The following TTC6 variants were observed in gnomAD, a reference collection of about 807,000 sequenced individuals.
TTC6 encodes the protein tetratricopeptide repeat protein 6.
Under a neutral mutation model 210.4 loss-of-function variants are expected in TTC6, and 172 were observed. That is an observed-to-expected ratio of 0.82 (90% CI 0.72 to 0.93). The LOEUF (loss-of-function observed/expected upper bound fraction) is 0.93. TTC6 is among the 40% of genes least tolerant of loss of function. The pLI, the probability that TTC6 is intolerant of heterozygous loss-of-function variation, is 0.00. For synonymous variants in TTC6, 804 were observed against 819.6 expected, an observed-to-expected ratio of 0.98 and a Z score of 0.32; for missense variants, 2,414 against 2,318.1, an observed-to-expected ratio of 1.04 and a Z score of -0.85.
intron 1 of TTC6, among the ~76,000 whole-genome samples, chr14:37,630,077 C>T (rs1392492969): frequency 6.6e-6 from 1 of 152,024 alleles, no homozygotes; most frequent in Admixed American, 6.5e-5. Flanking sequence ...GTCTCTGCCT[C>T]CTTTGGTTCT....
intron 25 of TTC6, among the ~76,000 whole-genome samples, chr14:37,814,062 A>G (rs2096135860): frequency 1.3e-5 from 2 of 152,176 alleles, no homozygotes; most frequent in South Asian, 4.1e-4. Context: ...TCTTAAAAAT[A>G]TAAACTAGAT....
exon 31 of TTC6, chr14:37,842,266 T>G: frequency 6.2e-7 from 1 of 1,605,960 alleles, no homozygotes. Flanking sequence ...GCACTTGATC[T>G]TGAAGACTAT....
At position 37,827,182 on chromosome 14, in the gene TTC6, A is replaced by G. The variant is rs762272773; in HGVS notation, c.5128-14A>G. 4.4e-6 allele frequency: 7 copies of G among 1,600,810 alleles called. No individual in the cohort carries two copies. In the African/African-American group the frequency reaches 6.7e-5, roughly 15 times the overall value. On this transcript the variant is annotated splice_polypyrimidine_tract_variant and intron_variant, in intron 28 of 30. Transcript: ENST00000553443. ...TATTCCCCAATGTTAAATAATCATA[A>G]TATTATACTGCAGATCAGTACTACA... is the stretch of plus-strand genomic sequence containing the variant.
chr14:37,841,730 T>C, intron 30 of TTC6, 60 bp downstream of exon 32: 2 of 1,324,048 alleles, frequency 1.5e-6, no homozygotes, highest in Admixed American at 4.9e-5. Flanking sequence ...ATTTTTAGGC[T>C]ACAAAAGAAG....
At chr14:37,688,850 C>A in intron 3 of TTC6, among the ~76,000 whole-genome samples, 1 of 152,084 alleles carries the variant, frequency 6.6e-6, no homozygotes, top group East Asian at 2.0e-4. Flanking sequence ...TGGGTACAAA[C>A]AAGCCCAGAC....
At chr14:37,610,795 C>T (rs1476897106) in intron 2 of TTC6, among the ~76,000 whole-genome samples, 1 of 152,160 alleles carries the variant, frequency 6.6e-6, no homozygotes, top group Non-Finnish European at 1.5e-5. Context: ...TCCATAAGCA[C>T]CACAGTTTTT....
Position 37,840,543 on chromosome 14 carries a change from A to G in TTC6, c.5299-902A>G, listed in dbSNP as rs150950111. 2.3e-3 allele frequency among the ~76,000 whole-genome samples: 343 copies of G among 152,268 alleles called. 4 individuals carry two copies. The highest frequency in any genetic ancestry group is 7.7e-3 in the African/African-American group (319 of 41,566). On this transcript the variant is annotated intron_variant, in intron 29 of 30. Coordinates refer to ENST00000553443, the Ensembl canonical transcript of TTC6. ...CCTGGCAGAGACACAACAAAACAAA[A>G]AAAAAAGAAATTTTTAGGCCAATAT...
chr14:37,711,583 A>G (rs1462145486), intron 5 of TTC6, among the ~76,000 whole-genome samples: 8 of 151,958 alleles, frequency 5.3e-5, no homozygotes, highest in Non-Finnish European at 1.0e-4. Context: ...TTGCATTGCA[A>G]ATGTAGCTTG....
intron 14 of TTC6, among the ~76,000 whole-genome samples, chr14:37,774,919 G>C (rs555547374): frequency 6.6e-6 from 1 of 152,212 alleles, no homozygotes; most frequent in South Asian, 2.1e-4. Flanking sequence ...TTTGGAACTT[G>C]TTATTGGACT....
At chr14:37,602,701 G>A (rs1220100806) in intron 1 of TTC6, among the ~76,000 whole-genome samples, 1 of 152,144 alleles carries the variant, frequency 6.6e-6, no homozygotes, top group Non-Finnish European at 1.5e-5. Context: ...CCTGCTTTCA[G>A]GTCCTCTTCT....
chr14:37,792,325 A>G (rs550749075), exon 17 of TTC6: 1 of 1,532,940 alleles, frequency 6.5e-7, no homozygotes, highest in Non-Finnish European at 8.7e-7. Context: ...GGATAACTAC[A>G]CGGAAGCTAT....
At chr14:37,824,167 G>A (rs2096164966) in intron 27 of TTC6, among the ~76,000 whole-genome samples, 1 of 152,110 alleles carries the variant, frequency 6.6e-6, no homozygotes. Context: ...GGAGCTGGTA[G>A]GCTGGTTAGA....
At chr14:37,635,084 G>A (rs550401351) in intron 1 of TTC6, among the ~76,000 whole-genome samples, 7 of 152,240 alleles carry the variant, frequency 4.6e-5, no homozygotes, top group South Asian at 2.1e-4. Flanking sequence ...CTCCTCTTGC[G>A]TTTTCTAGAT....
At chr14:37,741,588 C>G (rs912424473) in intron 10 of TTC6, among the ~76,000 whole-genome samples, 1 of 152,110 alleles carries the variant, frequency 6.6e-6, no homozygotes, top group Non-Finnish European at 1.5e-5. Flanking sequence ...CCGCGCCTGG[C>G]CTTTTCTCAC....
At chr14:37,795,118 T>G (rs2096089497) in intron 17 of TTC6, among the ~76,000 whole-genome samples, 152 bp from the exon 20 acceptor site, 1 of 152,184 alleles carries the variant, frequency 6.6e-6, no homozygotes, top group South Asian at 2.1e-4. Context: ...TTTACTTCTC[T>G]GTATCCCATT....
At chr14:37,649,589 C>T (rs961268996) in intron 1 of TTC6, among the ~76,000 whole-genome samples, 3 of 152,158 alleles carry the variant, frequency 2.0e-5, no homozygotes, top group Non-Finnish European at 2.9e-5. Context: ...TTTTTGAAGC[C>T]CGAAAGCCGG....
chr14:37,827,615 C>T (rs967443492), intron 29 of TTC6, among the ~76,000 whole-genome samples: 2 of 151,834 alleles, frequency 1.3e-5, no homozygotes, highest in Non-Finnish European at 2.9e-5. Context: ...TAATAAATGT[C>T]TTGCTAGAAT....
At chr14:37,746,993 G>A (rs566436795) in intron 10 of TTC6, among the ~76,000 whole-genome samples, 13 of 152,298 alleles carry the variant, frequency 8.5e-5, no homozygotes, top group Admixed American at 3.3e-4. Context: ...GGTGCACAAA[G>A]TTTAGAGGGT....
At chr14:37,726,393 C>T (rs2095873120) in intron 7 of TTC6, among the ~76,000 whole-genome samples, 1 of 152,122 alleles carries the variant, frequency 6.6e-6, no homozygotes, top group African/African-American at 2.4e-5. Flanking sequence ...GAGTCTTGTT[C>T]ATATTTAACC....
Sources: gnomAD v4.1 joint callset for allele counts (sites outside exome capture counted in the v4.1 genomes callset) on GRCh38, gnomAD v4.1.1 for gene constraint, MANE v1.5 for transcripts, NCBI Gene and HGNC (gene_info 2026-07-23, HGNC 2026-07-21) for gene names.